Variants in IMPG2 observed in about 807,000 individuals in gnomAD.
The protein encoded by IMPG2 is IPM 200.
In IMPG2, 91 loss-of-function variants were observed where a neutral mutation model predicts 129.2. The observed-to-expected ratio is 0.70, with a 90% confidence interval of 0.59 to 0.84. IMPG2 has a LOEUF of 0.84. Ranked by LOEUF, IMPG2 falls within the 40% of genes least tolerant of loss-of-function variation. IMPG2 has a pLI of 0.00. For missense variants in IMPG2, 1,430 were observed against 1,461.7 expected, an observed-to-expected ratio of 0.98 and a Z score of 0.35; for synonymous variants, 510 against 517.7, an observed-to-expected ratio of 0.99 and a Z score of 0.20.
rs1221793882 is a variant in IMPG2 at position 101,222,767 on chromosome 3, C to T, written c.*4202G>A. The T allele has an allele frequency of 1.3e-5, 2 of 152,154 alleles. No individual in the cohort carries two copies. Among genetic ancestry groups the T allele is most frequent in the South Asian group, 2.1e-4 (1 of 4,828 alleles). 9.4% of individuals were successfully genotyped at this position (152,154 alleles called of 1,614,324 possible). On this transcript the variant is annotated 3_prime_UTR_variant, in exon 19 of 19. Coordinates refer to ENST00000193391, the MANE Select transcript of IMPG2 (RefSeq NM_016247.4). ...GTGAAAAAGAAAAGTCCTTCATTAT[C>T]CATACTCGATATTAAACATATATTA...
At chr3:101,314,408 T>C (rs1470813794) in intron 2 of IMPG2, among the ~76,000 whole-genome samples, 1 of 152,122 alleles carries the variant, frequency 6.6e-6, no homozygotes, top group Non-Finnish European at 1.5e-5. Flanking sequence ...ATCAGTCAAG[T>C]ATGGGCTGTG....
intron 2 of IMPG2, among the ~76,000 whole-genome samples, chr3:101,311,345 T>C (rs1422617375): frequency 6.6e-6 from 1 of 152,108 alleles, no homozygotes; most frequent in Non-Finnish European, 1.5e-5. Context: ...TTAAAACTAT[T>C]TGAACTAATA....
At chr3:101,290,432 C>G (rs916223320) in intron 4 of IMPG2, among the ~76,000 whole-genome samples, 4 of 152,144 alleles carry the variant, frequency 2.6e-5, no homozygotes, top group African/African-American at 9.7e-5. Flanking sequence ...TCACTTAAGC[C>G]TGGGAGCACG....
chr3:101,292,031 G>A (rs1707023755), intron 3 of IMPG2, among the ~76,000 whole-genome samples: 1 of 152,108 alleles, frequency 6.6e-6, no homozygotes, highest in South Asian at 2.1e-4. Context: ...CCTAAATTAG[G>A]ATTGTTATTT....
At chr3:101,286,271 T>A (rs1459858250) in intron 4 of IMPG2, among the ~76,000 whole-genome samples, 1 of 152,180 alleles carries the variant, frequency 6.6e-6, no homozygotes, top group Non-Finnish European at 1.5e-5. Context: ...TTATTGAGTA[T>A]GGTTATTCTA....
intron 18 of IMPG2, 136 bp from the exon 19 acceptor site, chr3:101,227,117 G>A (rs1559638108): frequency 2.9e-6 from 3 of 1,037,138 alleles, no homozygotes; most frequent in Non-Finnish European, 2.9e-6. Flanking sequence ...TTGAAGGAAA[G>A]TTGTTCTGTT....
At chr3:101,309,517 G>T (rs1707238706) in intron 2 of IMPG2, among the ~76,000 whole-genome samples, 2 of 152,068 alleles carry the variant, frequency 1.3e-5, no homozygotes, top group South Asian at 4.1e-4. Flanking sequence ...ACTTAAACGT[G>T]GGAAAGCCCC....
chr3:101,301,246 TAAA>T (rs1707137020), intron 3 of IMPG2, among the ~76,000 whole-genome samples: 1 of 152,140 alleles, frequency 6.6e-6, no homozygotes, highest in Admixed American at 6.5e-5. Flanking sequence ...ACATAAGAGA[TAAA>T]GAAAATAATT....
intron 4 of IMPG2, among the ~76,000 whole-genome samples, chr3:101,290,063 AAT>A (rs1706988975): frequency 6.6e-6 from 1 of 151,900 alleles, no homozygotes; most frequent in African/African-American, 2.4e-5. Flanking sequence ...TAGAGAAGTT[AAT>A]CGAGCCAATA....
At chr3:101,305,702 A>G (rs944839787) in intron 2 of IMPG2, among the ~76,000 whole-genome samples, 13 of 152,144 alleles carry the variant, frequency 8.5e-5, no homozygotes, top group Non-Finnish European at 1.8e-4. Flanking sequence ...ATACATACAT[A>G]CACATGAACT....
intron 7 of IMPG2, among the ~76,000 whole-genome samples, chr3:101,270,011 A>C (rs112914865): frequency 0.031 from 4,690 of 149,768 alleles, 261 homozygotes; most frequent in African/African-American, 0.11. Flanking sequence ...GCTCACTGCA[A>C]ACTCCACCTT....
chr3:101,235,546 A>G (rs951688775), intron 14 of IMPG2, among the ~76,000 whole-genome samples: 1 of 152,216 alleles, frequency 6.6e-6, no homozygotes, highest in Non-Finnish European at 1.5e-5. Flanking sequence ...TAGGAAAAAG[A>G]TAAAATATAG....
At chr3:101,243,058 G>A (rs1706428084) in intron 13 of IMPG2, 151 bp from the exon 14 acceptor site, 17 of 707,338 alleles carry the variant, frequency 2.4e-5, no homozygotes, top group South Asian at 2.3e-4. Context: ...ATTAACAAAA[G>A]TACAAATTAG....
chr3:101,236,766 G>A (rs1350353683), intron 14 of IMPG2, among the ~76,000 whole-genome samples: 1 of 152,188 alleles, frequency 6.6e-6, no homozygotes, highest in Non-Finnish European at 1.5e-5. Context: ...GCAAAAAACT[G>A]GGCGGCCATT....
Position 101,312,965 on chromosome 3 carries a change from G to A in IMPG2, c.334+6619C>T, listed in dbSNP as rs548343749. Reference sequence around the variant, plus strand: ...GAGATAAAAGGATAAAAGGATGATAGCTAAAGGGTCACATGTTTCTTTTTG... The same window carrying A: ...GAGATAAAAGGATAAAAGGATGATAACTAAAGGGTCACATGTTTCTTTTTG... On this transcript the variant is annotated intron_variant, in intron 2 of 18. Coordinates refer to ENST00000193391, the MANE Select transcript of IMPG2 (RefSeq NM_016247.4). Among the ~76,000 whole-genome samples the A allele has an allele frequency of 2.0e-5, 3 of 152,176 alleles. No individual in the cohort carries two copies. In the South Asian group the frequency reaches 6.2e-4, roughly 32 times the overall value.
chr3:101,255,964 C>T (rs1706594325), intron 10 of IMPG2, among the ~76,000 whole-genome samples: 1 of 151,140 alleles, frequency 6.6e-6, no homozygotes, highest in African/African-American at 2.4e-5. Context: ...CACTTTGTGA[C>T]CCTGTCTCAG....
At chr3:101,229,841 C>T (rs891504852) in intron 16 of IMPG2, among the ~76,000 whole-genome samples, 1 of 152,204 alleles carries the variant, frequency 6.6e-6, no homozygotes, top group Admixed American at 6.5e-5. Context: ...TTTGCCATGG[C>T]GCCTGGCATT....
chr3:101,313,518 A>G (rs532310532), intron 2 of IMPG2, among the ~76,000 whole-genome samples: 7 of 152,282 alleles, frequency 4.6e-5, no homozygotes, highest in African/African-American at 1.7e-4. Context: ...CTCTTCTAGC[A>G]GAAATAACCT....
rs2058802495 is a variant in IMPG2 at position 101,319,777 on chromosome 3, A to G, written c.141T>C (p.Phe47=). 1 of 1,613,440 alleles carries G rather than the reference A, an allele frequency of 6.2e-7. No homozygotes were observed. The highest frequency in any genetic ancestry group is 1.7e-5 in the Admixed American group (1 of 59,898). The change falls in exon 2 of 19, where the codon TTT becomes TTC. Residue 47 remains phenylalanine (F), a synonymous_variant. Transcript: ENST00000193391. ...GGTCTGTTGATTCTTCAGGCAGGAGAAAAGAAACTGCACTCTTGGGTTCTT... is the reference window on the plus strand; with the variant it reads ...GGTCTGTTGATTCTTCAGGCAGGAGGAAAGAAACTGCACTCTTGGGTTCTT... ...EIQEPKSAVS[F]LLPEESTDLS... is the part of the protein sequence containing the mutation.
Sources: allele counts gnomAD v4.1 joint callset (sites outside exome capture counted in the v4.1 genomes callset), GRCh38; gene constraint gnomAD v4.1.1; transcripts MANE v1.5; gene names NCBI Gene and HGNC (gene_info 2026-07-23, HGNC 2026-07-21).